The following IGSF21 variants were observed in gnomAD, a reference collection of about 807,000 sequenced individuals.
The protein encoded by IGSF21 is immunoglobulin superfamily member 21.
Under a neutral mutation model 46.8 loss-of-function variants are expected in IGSF21, and 28 were observed. That is an observed-to-expected ratio of 0.60 (90% CI 0.44 to 0.82). The LOEUF is 0.82. Ranked by LOEUF, IGSF21 falls within the 40% of genes least tolerant of loss-of-function variation. The pLI is 0.00. For synonymous variants in IGSF21, 284 were observed against 273.6 expected, an observed-to-expected ratio of 1.04 and a Z score of -0.38; for missense variants, 624 against 665.5, an observed-to-expected ratio of 0.94 and a Z score of 0.69.
At chr1:18,267,650 G>A (rs540056574) in intron 2 of IGSF21, among the ~76,000 whole-genome samples, 57 of 152,342 alleles carry the variant, frequency 3.7e-4, no homozygotes, top group Non-Finnish European at 7.6e-4. Context: ...GCTGGACCTG[G>A]GACTTTCCCA....
chr1:18,234,419 A>G (rs1165359955), intron 2 of IGSF21, among the ~76,000 whole-genome samples: 1 of 152,250 alleles, frequency 6.6e-6, no homozygotes, highest in Non-Finnish European at 1.5e-5. Flanking sequence ...CAAATGTAAT[A>G]ACACATAAAC....
intron 2 of IGSF21, among the ~76,000 whole-genome samples, chr1:18,242,384 A>G (rs1291304668): frequency 6.6e-6 from 1 of 152,254 alleles, no homozygotes; most frequent in East Asian, 1.9e-4. Flanking sequence ...CATGGCACAC[A>G]GACCTCAGGA....
At chr1:18,163,676 C>T (rs1000729844) in intron 1 of IGSF21, among the ~76,000 whole-genome samples, 1 of 152,202 alleles carries the variant, frequency 6.6e-6, no homozygotes, top group Non-Finnish European at 1.5e-5. Context: ...TTCCCTGCAA[C>T]CCCATTGGTG....
chr1:18,358,080 T>A (rs1055898909), intron 4 of IGSF21, among the ~76,000 whole-genome samples: 1 of 150,068 alleles, frequency 6.7e-6, no homozygotes, highest in African/African-American at 2.5e-5. Flanking sequence ...TTTAGGGGGG[T>A]GAAGGGTGTA....
chr1:18,291,152 C>A (rs2085262289), intron 2 of IGSF21, among the ~76,000 whole-genome samples: 1 of 152,228 alleles, frequency 6.6e-6, no homozygotes, highest in South Asian at 2.1e-4. Context: ...CTTGGGTTCG[C>A]TTTCCATCAG....
chr1:18,367,603 C>CTT (rs35019096), intron 6 of IGSF21, among the ~76,000 whole-genome samples: 3,110 of 73,904 alleles, frequency 0.042, 403 homozygotes, highest in African/African-American at 0.062. Flanking sequence ...CTCTCTCTCT[C>CTT]TTTTTTTTTT....
chr1:18,193,933 G>A (rs1156229233), intron 1 of IGSF21, among the ~76,000 whole-genome samples: 1 of 152,194 alleles, frequency 6.6e-6, no homozygotes, highest in African/African-American at 2.4e-5. Flanking sequence ...TGTGCTGGAT[G>A]CTGCCACACT....
chr1:18,151,412 G>A (rs143179334), intron 1 of IGSF21, among the ~76,000 whole-genome samples: 2 of 152,290 alleles, frequency 1.3e-5, no homozygotes, highest in East Asian at 3.9e-4. Context: ...GTTCCCCGCT[G>A]GATCCTCTGT....
chr1:18,133,754 A>C (rs912748814), intron 1 of IGSF21, among the ~76,000 whole-genome samples: 3 of 152,182 alleles, frequency 2.0e-5, no homozygotes, highest in African/African-American at 7.2e-5. Flanking sequence ...TCACTATTGG[A>C]CAACTGCCGA....
chr1:18,365,774 G>A lies in IGSF21; in HGVS notation c.1015+77G>A. On this transcript the variant is annotated intron_variant, in intron 6 of 9. Coordinates refer to ENST00000251296, the MANE Select transcript of IGSF21 (RefSeq NM_032880.5). This position sits in a 1 kb window ranked among gnomAD's most constrained non-coding sequence, Gnocchi z 4.8. ...GGAGAGCCTTGGAATAGGGTTCCTG[G>A]GCTGAGGACAGCCATGGAAAGGGGG... 1 of 1,246,884 alleles carries A rather than the reference G, an allele frequency of 8.0e-7. No homozygotes were observed. Among genetic ancestry groups the A allele is most frequent in the Non-Finnish European group, 1.1e-6 (1 of 892,482 alleles). 77.2% of individuals were successfully genotyped at this position (1,246,884 alleles called of 1,614,324 possible). A position where few individuals can be genotyped will look rare whatever the true frequency, so the allele number is the denominator to read the frequency against.
intron 4 of IGSF21, among the ~76,000 whole-genome samples, chr1:18,347,377 C>T (rs1432046339): frequency 6.6e-6 from 1 of 152,160 alleles, no homozygotes; most frequent in Non-Finnish European, 1.5e-5. Context: ...GAGATTGGAG[C>T]TCAGGTCTTC....
chr1:18,348,053 T>C (rs1010958445), intron 4 of IGSF21, among the ~76,000 whole-genome samples: 2 of 152,234 alleles, frequency 1.3e-5, no homozygotes, highest in African/African-American at 4.8e-5. Flanking sequence ...CACTTAAATA[T>C]ATAAATTCAT....
rs1404008263 is a variant in IGSF21, at chr1:18,194,630, A to T, written c.71-33268A>T. Among the ~76,000 whole-genome samples the T allele has an allele frequency of 2.0e-5, 3 of 152,224 alleles. No individual in the cohort carries two copies. In the East Asian group the frequency reaches 5.8e-4, roughly 29 times the overall value. On this transcript the variant is annotated intron_variant, in intron 1 of 9. Coordinates refer to ENST00000251296, the MANE Select transcript of IGSF21 (RefSeq NM_032880.5). ...TTCTCTTCTTATTAAGACCCCAGTC[A>T]TATTGGCTTTAGGGCTCACCCTCAT...
chr1:18,354,121 C>G (rs1569863245), intron 4 of IGSF21, among the ~76,000 whole-genome samples: 1 of 152,300 alleles, frequency 6.6e-6, no homozygotes, highest in East Asian at 1.9e-4. Context: ...TCCAGGCACC[C>G]AGAGGACAGG....
chr1:18,261,330 G>T (rs2084944948), intron 2 of IGSF21, among the ~76,000 whole-genome samples: 1 of 152,224 alleles, frequency 6.6e-6, no homozygotes, highest in African/African-American at 2.4e-5. Flanking sequence ...GGTGGGACTT[G>T]ACTTCAGAGG....
chr1:18,165,050 C>T lies in IGSF21; in HGVS notation c.70+56852C>T, dbSNP rs111775876. The stretch of plus-strand genomic sequence containing the variant: ...GTTTCCAGCTGCATCCATGTCCCTA[C>T]GAAGGATATGAACTCATCATTTTTT... On this transcript the variant is annotated intron_variant, in intron 1 of 9. Coordinates refer to ENST00000251296, the MANE Select transcript of IGSF21 (RefSeq NM_032880.5). Among the ~76,000 whole-genome samples, 16 of 151,914 alleles carry T rather than the reference C, an allele frequency of 1.1e-4. 2 individuals carry two copies. The highest frequency in any genetic ancestry group is 3.1e-4 in the African/African-American group (13 of 41,398).
rs2084848782 is a variant in IGSF21, at chr1:18,252,119, C to T, written c.183+24109C>T. Among the ~76,000 whole-genome samples the T allele has an allele frequency of 3.9e-5, 5 of 129,360 alleles. No homozygotes were observed. The South Asian group carries it at 8.3e-4, about 21-fold the overall frequency. 84.9% of individuals were successfully genotyped at this position (129,360 alleles called of 152,430 possible). ...CGGCTGGAGTGCAGTGGTGCAATCT[C>T]GGCTCACTGCAAGCTCCGCCTCCTG... On this transcript the variant is annotated intron_variant, in intron 2 of 9. Coordinates refer to ENST00000251296, the MANE Select transcript of IGSF21 (RefSeq NM_032880.5).
chr1:18,141,426 G>A (rs1281263742), intron 1 of IGSF21, among the ~76,000 whole-genome samples: 11 of 152,270 alleles, frequency 7.2e-5, no homozygotes, highest in African/African-American at 1.9e-4. Flanking sequence ...CCACTTTCTG[G>A]TTGAGCAGGG....
At chr1:18,341,036 TTCTTCTTC>T in intron 4 of IGSF21, among the ~76,000 whole-genome samples, 1 of 105,524 alleles carries the variant, frequency 9.5e-6, no homozygotes, top group Admixed American at 1.0e-4. Flanking sequence ...CTTCTTCTTC[TTCTTCTTC>T]CTCTTCCTCT....
Sources: gnomAD v4.1 joint callset for allele counts (sites outside exome capture counted in the v4.1 genomes callset) on GRCh38, gnomAD v4.1.1 for gene constraint, Gnocchi (gnomAD v3.1) non-coding constraint, MANE v1.5 for transcripts, NCBI Gene and HGNC (gene_info 2026-07-23, HGNC 2026-07-21) for gene names.